The following ULK4 variants were observed in gnomAD, a reference collection of about 807,000 sequenced individuals.
The protein encoded by ULK4 is inactive serine/threonine-protein kinase ULK4.
ULK4 carries 133 observed loss-of-function variants against 160.6 expected under a neutral mutation model. The ratio of observed to expected loss-of-function variants is 0.83; its 90% CI spans 0.72 to 0.96. The LOEUF (loss-of-function observed/expected upper bound fraction) is 0.96, where lower values mean the gene tolerates loss of function less well. ULK4 is among the 40% of genes least tolerant of loss of function. The pLI is 0.00. For missense variants in ULK4, 1,580 were observed against 1,499.5 expected, an observed-to-expected ratio of 1.05 and a Z score of -0.89; for synonymous variants, 534 against 539.8, an observed-to-expected ratio of 0.99 and a Z score of 0.15.
chr3:41,693,723 T>G (rs2036391107), intron 27 of ULK4, among the ~76,000 whole-genome samples: 1 of 152,180 alleles, frequency 6.6e-6, no homozygotes, highest in African/African-American at 2.4e-5. Context: ...GGATATATAT[T>G]TCAGGGAAGG....
chr3:41,495,647 C>A lies in ULK4; in HGVS notation c.3227-32394G>T, dbSNP rs1333901501. Reference sequence around the variant, plus strand: ...ACCATCAGAGTGAACAGGCAACCTACAAAATGGGAGAAAATTTTTGCAACC... The same window carrying A: ...ACCATCAGAGTGAACAGGCAACCTAAAAAATGGGAGAAAATTTTTGCAACC... On this transcript the variant is annotated intron_variant, in intron 32 of 36. Transcript: ENST00000301831. 4.0e-5 allele frequency among the ~76,000 whole-genome samples: 6 copies of A among 150,554 alleles called. No homozygotes were observed. In the Admixed American group the frequency reaches 4.0e-4, roughly 10 times the overall value.
At chr3:41,487,001 G>A (rs901302658) in intron 32 of ULK4, among the ~76,000 whole-genome samples, 2 of 152,156 alleles carry the variant, frequency 1.3e-5, no homozygotes, top group Admixed American at 1.3e-4. Flanking sequence ...TATAGATAAT[G>A]TGATTGAGAA....
rs1237707081 is a variant in ULK4 at position 41,644,804 on chromosome 3, C to T, written c.3071+18803G>A. 2.0e-5 allele frequency among the ~76,000 whole-genome samples: 3 copies of T among 151,926 alleles called. No homozygotes were observed. In the South Asian group the frequency reaches 6.2e-4, roughly 32 times the overall value. The stretch of plus-strand genomic sequence containing the variant: ...TCCTTGTACCTCTGGTAGAATTCGG[C>T]TGTGAATCCATCTGGTCCTGGACTC... On this transcript the variant is annotated intron_variant, in intron 30 of 36. Transcript: ENST00000301831.
At chr3:41,431,034 C>T (rs565991392) in intron 34 of ULK4, among the ~76,000 whole-genome samples, 4 of 152,322 alleles carry the variant, frequency 2.6e-5, no homozygotes, top group Admixed American at 2.6e-4. Context: ...TCTTTCACTA[C>T]ACGTTATCGT....
At chr3:41,762,387 T>C (rs1448458257) in intron 21 of ULK4, among the ~76,000 whole-genome samples, 1 of 152,108 alleles carries the variant, frequency 6.6e-6, no homozygotes, top group Non-Finnish European at 1.5e-5. Context: ...ATTTAAAATG[T>C]TTTTTTAAGT....
At chr3:41,833,132 A>G (rs1439413544) in intron 18 of ULK4, among the ~76,000 whole-genome samples, 3 of 152,082 alleles carry the variant, frequency 2.0e-5, no homozygotes, top group Non-Finnish European at 2.9e-5. Context: ...CAGTATGGCC[A>G]TTTTCACAAT....
chr3:41,948,545 A>T (rs1042024670), intron 2 of ULK4, among the ~76,000 whole-genome samples: 2 of 152,164 alleles, frequency 1.3e-5, no homozygotes, highest in African/African-American at 4.8e-5. Flanking sequence ...AATGCAAGCA[A>T]ATTGAATTCA....
intron 35 of ULK4, among the ~76,000 whole-genome samples, chr3:41,275,937 C>T (rs2079222095): frequency 1.3e-5 from 2 of 152,204 alleles, no homozygotes; most frequent in Admixed American, 6.5e-5. Flanking sequence ...GAAGGAATAT[C>T]AACAAAGAAT....
intron 30 of ULK4, among the ~76,000 whole-genome samples, chr3:41,643,208 T>C (rs1254603700): frequency 5.9e-5 from 9 of 152,170 alleles, no homozygotes; most frequent in African/African-American, 1.9e-4. Flanking sequence ...AGATCCCATT[T>C]GTCAATTTTG....
chr3:41,440,658 A>G (rs144900999), intron 34 of ULK4, among the ~76,000 whole-genome samples: 6 of 152,228 alleles, frequency 3.9e-5, no homozygotes, highest in African/African-American at 7.2e-5. Flanking sequence ...GGGTAATGCT[A>G]GCCTCTAGAA....
intron 35 of ULK4, among the ~76,000 whole-genome samples, chr3:41,275,719 A>G (rs2079217811): frequency 6.6e-6 from 1 of 152,240 alleles, no homozygotes; most frequent in South Asian, 2.1e-4. Flanking sequence ...TGCTCATGAT[A>G]GAACAGCCCA....
chr3:41,592,572 T>C (rs898996196), intron 31 of ULK4, among the ~76,000 whole-genome samples: 43 of 152,146 alleles, frequency 2.8e-4, no homozygotes, highest in African/African-American at 1.0e-3. Flanking sequence ...ATAAAAAAAT[T>C]TTTTTAAATA....
At chr3:41,813,609 A>T (rs1377430696) in intron 19 of ULK4, among the ~76,000 whole-genome samples, 1 of 152,242 alleles carries the variant, frequency 6.6e-6, no homozygotes, top group African/African-American at 2.4e-5. Flanking sequence ...CTAATTACCT[A>T]AACAAGGAGC....
intron 17 of ULK4, among the ~76,000 whole-genome samples, chr3:41,861,993 G>A (rs1352916913): frequency 6.6e-6 from 1 of 151,770 alleles, no homozygotes; most frequent in East Asian, 1.9e-4. Flanking sequence ...TGTATTTTTT[G>A]TAGAGACGGG....
chr3:41,870,358 A>T (rs1697043869), intron 17 of ULK4, among the ~76,000 whole-genome samples: 1 of 152,176 alleles, frequency 6.6e-6, no homozygotes, highest in Admixed American at 6.5e-5. Flanking sequence ...TTTATGTAAT[A>T]TTATTCCACA....
intron 19 of ULK4, among the ~76,000 whole-genome samples, chr3:41,813,708 C>T (rs1418273260): frequency 6.6e-6 from 1 of 152,108 alleles, no homozygotes; most frequent in Non-Finnish European, 1.5e-5. Flanking sequence ...CTAAATTTAT[C>T]CTACAGTCTA....
chr3:41,497,082 A>T (rs1424782124), intron 32 of ULK4, among the ~76,000 whole-genome samples: 1 of 151,820 alleles, frequency 6.6e-6, no homozygotes, highest in African/African-American at 2.4e-5. Context: ...CTAAGATGAT[A>T]CAGGTTTTAA....
intron 35 of ULK4, among the ~76,000 whole-genome samples, chr3:41,360,281 T>C (rs1575466842): frequency 2.6e-5 from 4 of 151,966 alleles, no homozygotes. Flanking sequence ...GCTGGTGAGG[T>C]TGTGGAGAAA....
intron 31 of ULK4, among the ~76,000 whole-genome samples, chr3:41,615,440 G>A (rs896013582): frequency 2.6e-5 from 4 of 152,136 alleles, no homozygotes; most frequent in African/African-American, 9.7e-5. Flanking sequence ...AAATTTAAAA[G>A]ATTTGTGGAA....
Sources: allele counts gnomAD v4.1 joint callset (sites outside exome capture counted in the v4.1 genomes callset), GRCh38; gene constraint gnomAD v4.1.1; transcripts MANE v1.5; gene names NCBI Gene and HGNC (gene_info 2026-07-23, HGNC 2026-07-21).